The following DUSP22 variants were observed in gnomAD, a reference collection of about 807,000 sequenced individuals.
The protein encoded by DUSP22 is dual specificity protein phosphatase 22.
A neutral mutation model predicts 24.5 loss-of-function variants in DUSP22; 24 were observed. That is an observed-to-expected ratio of 0.98 (90% CI 0.71 to 1.38). The LOEUF (loss-of-function observed/expected upper bound fraction) is 1.38, where lower values mean the gene tolerates loss of function less well. Among genes scored for constraint, DUSP22 ranks in the 40% most tolerant of loss-of-function variants. DUSP22 has a pLI of 0.00. For missense variants in DUSP22, 330 were observed against 269.2 expected, an observed-to-expected ratio of 1.23 and a Z score of -1.58; for synonymous variants, 160 against 106.4, an observed-to-expected ratio of 1.50 and a Z score of -3.10.
At chr6:314,514 A>G (rs951857403) in intron 3 of DUSP22, among the ~76,000 whole-genome samples, 32 of 152,294 alleles carry the variant, frequency 2.1e-4, no homozygotes, top group Non-Finnish European at 8.8e-5. Flanking sequence ...ATCAGTTACA[A>G]AGGGCTTTTG....
intron 1 of DUSP22, 120 bp downstream of exon 1, chr6:292,680 C>G (rs1328350709): frequency 1.5e-6 from 2 of 1,368,796 alleles, no homozygotes; most frequent in Admixed American, 6.9e-5. Context: ...GGGACGGGCG[C>G]GGAGGGAGGG....
At chr6:307,786 A>C (rs1039150363) in intron 2 of DUSP22, among the ~76,000 whole-genome samples, 6 of 152,306 alleles carry the variant, frequency 3.9e-5, no homozygotes, top group Non-Finnish European at 8.8e-5. Context: ...GTGCATTGAG[A>C]CCATGTTCGC....
Position 350,604 on chromosome 6 carries a change from G to A in DUSP22, c.*1653G>A. The A allele has an allele frequency of 2.8e-6, 4 of 1,437,364 alleles. No individual in the cohort carries two copies. Among genetic ancestry groups the A allele is most frequent in the Non-Finnish European group, 9.1e-7 (1 of 1,098,816 alleles). The allele number at this position is 1,437,364 out of a possible 1,614,324, so 89.0% of individuals were successfully genotyped here. ...CCCGGATGTACACCCGGAAAGGGGA[G>A]TGTGGCTGTAGAATCATCCATCCGT... On this transcript the variant is annotated 3_prime_UTR_variant, in exon 7 of 7. Transcript: ENST00000419235.
chr6:351,062 T>C lies in DUSP22; in HGVS notation c.*2111T>C. On this transcript the variant is annotated 3_prime_UTR_variant, in exon 7 of 7. Transcript: ENST00000419235. ...TTAGCAAGAGAAAATATTTTCCCCT[T>C]ATCCCCACTGCTGTGGAGGTTTCTG... 1 of 861,716 alleles carries C rather than the reference T, an allele frequency of 1.2e-6. No homozygotes were observed. The highest frequency in any genetic ancestry group is 1.8e-6 in the Non-Finnish European group (1 of 570,990). 53.4% of individuals were successfully genotyped at this position (861,716 alleles called of 1,614,324 possible).
intron 1 of DUSP22, among the ~76,000 whole-genome samples, chr6:296,123 TC>T: frequency 6.6e-6 from 1 of 152,298 alleles, no homozygotes; most frequent in East Asian, 1.9e-4. Flanking sequence ...CAAAATCACC[TC>T]CTCTCTTCCT....
chr6:324,886 T>G (rs1252835895), intron 3 of DUSP22, among the ~76,000 whole-genome samples: 2 of 152,300 alleles, frequency 1.3e-5, no homozygotes, highest in Admixed American at 6.5e-5. Context: ...GAGAGCTCAC[T>G]GGCTTAGCCA....
At chr6:308,885 C>T (rs1050880364) in intron 2 of DUSP22, among the ~76,000 whole-genome samples, 1 of 152,304 alleles carries the variant, frequency 6.6e-6, no homozygotes, top group Non-Finnish European at 1.5e-5. Flanking sequence ...TCTGGAGGAG[C>T]CAGGTGGGTG....
At chr6:329,402 G>C (rs1270186110) in intron 3 of DUSP22, among the ~76,000 whole-genome samples, 2 of 152,308 alleles carry the variant, frequency 1.3e-5, no homozygotes, top group Non-Finnish European at 2.9e-5. Flanking sequence ...CTGCACAACA[G>C]TGTGAATGTA....
rs1157938579 is a variant in DUSP22, at chr6:350,635, G to A, written c.*1684G>A. ...CTGTAGAATCATCCATCCGTCTACA[G>A]CTAAAACAATTTGCCAATAAAGTAC... On this transcript the variant is annotated 3_prime_UTR_variant, in exon 7 of 7. Coordinates refer to ENST00000419235, the MANE Select transcript of DUSP22 (RefSeq NM_001286555.3). 3 of 1,478,474 alleles carry A rather than the reference G, an allele frequency of 2.0e-6. No homozygotes were observed. The highest frequency in any genetic ancestry group is 1.4e-5 in the South Asian group (1 of 70,998). 91.6% of individuals were successfully genotyped at this position (1,478,474 alleles called of 1,614,324 possible). A position where few individuals can be genotyped will look rare whatever the true frequency, so the allele number is the denominator to read the frequency against.
chr6:334,871 G>T (rs1274578388), intron 3 of DUSP22, among the ~76,000 whole-genome samples: 5 of 152,414 alleles, frequency 3.3e-5, no homozygotes, highest in African/African-American at 4.8e-5. Flanking sequence ...TGTGCCCTTT[G>T]AATTTTGCCT....
intron 3 of DUSP22, among the ~76,000 whole-genome samples, chr6:323,776 TCAG>T (rs1758716672): frequency 6.6e-6 from 1 of 152,428 alleles, no homozygotes; most frequent in Non-Finnish European, 1.5e-5. Flanking sequence ...AAGGATCATT[TCAG>T]CTGTGCTGAC....
At chr6:322,015 C>T (rs574637005) in intron 3 of DUSP22, among the ~76,000 whole-genome samples, 342 of 152,230 alleles carry the variant, frequency 2.2e-3, no homozygotes, top group African/African-American at 5.1e-3. Context: ...AGAGAGGTCT[C>T]GGCTGGACGT....
chr6:310,338 G>A (rs1336558032), intron 2 of DUSP22, among the ~76,000 whole-genome samples: 1 of 152,292 alleles, frequency 6.6e-6, no homozygotes, highest in Non-Finnish European at 1.5e-5. Flanking sequence ...GTGTAGGGAA[G>A]TGGACCTCCT....
intron 4 of DUSP22, among the ~76,000 whole-genome samples, chr6:340,438 A>G (rs1759557338): frequency 6.6e-6 from 1 of 152,310 alleles, no homozygotes; most frequent in African/African-American, 2.4e-5. Context: ...CTGCCCGAAG[A>G]GGAAGCAGCT....
chr6:312,439 C>T (rs894309584), intron 3 of DUSP22, among the ~76,000 whole-genome samples: 30 of 152,150 alleles, frequency 2.0e-4, no homozygotes, highest in African/African-American at 1.4e-4. Flanking sequence ...TGGAGACTCT[C>T]GGTGTAGAAG....
intron 5 of DUSP22, among the ~76,000 whole-genome samples, chr6:346,971 G>C (rs1273838769): frequency 1.3e-5 from 2 of 152,292 alleles, no homozygotes; most frequent in African/African-American, 4.8e-5. Flanking sequence ...GGTGTCTGCA[G>C]TTTCATACAG....
intron 3 of DUSP22, among the ~76,000 whole-genome samples, chr6:327,331 G>A (rs62390189): frequency 0.07 from 10,376 of 149,278 alleles, 30 homozygotes; most frequent in Non-Finnish European, 0.11. Context: ...ACAGCTGGAG[G>A]AGAGTGAAGG....
chr6:309,478 G>A (rs1757967093), intron 2 of DUSP22, among the ~76,000 whole-genome samples: 2 of 152,292 alleles, frequency 1.3e-5, no homozygotes, highest in Non-Finnish European at 2.9e-5. Context: ...TTGGAGCAAT[G>A]AAAAGAGTCT....
At chr6:342,894 G>A (rs1047968953) in intron 4 of DUSP22, among the ~76,000 whole-genome samples, 3 of 152,308 alleles carry the variant, frequency 2.0e-5, no homozygotes, top group South Asian at 4.1e-4. Flanking sequence ...TGTCTTGTCC[G>A]GTTCCATTAT....
Sources: gnomAD v4.1 joint callset for allele counts (sites outside exome capture counted in the v4.1 genomes callset) on GRCh38, gnomAD v4.1.1 for gene constraint, MANE v1.5 for transcripts, NCBI Gene and HGNC (gene_info 2026-07-23, HGNC 2026-07-21) for gene names.